GPC5: variants seen among roughly 807,000 people sequenced by gnomAD.
The protein encoded by GPC5 is glypican 5.
A neutral mutation model predicts 53.9 loss-of-function variants in GPC5; 47 were observed. The ratio of observed to expected loss-of-function variants is 0.87; its 90% CI spans 0.69 to 1.11. GPC5 has a LOEUF of 1.11. Among genes scored for constraint, GPC5 ranks in the 50% most tolerant of loss-of-function variants. GPC5 has a pLI of 0.00. For missense variants in GPC5, 748 were observed against 713.1 expected (o/e 1.05, Z -0.56); for synonymous variants, 286 against 263.3 (o/e 1.09, Z -0.84).
At chr13:92,101,179 G>A (rs959221687) in intron 6 of GPC5, among the ~76,000 whole-genome samples, 15 of 152,134 alleles carry the variant, frequency 9.9e-5, no homozygotes, top group African/African-American at 3.4e-4. Flanking sequence ...AATTTGAAAT[G>A]AAATATCTTA....
chr13:91,770,030 A>T, intron 5 of GPC5, among the ~76,000 whole-genome samples: 1 of 152,162 alleles, frequency 6.6e-6, no homozygotes, highest in Admixed American at 6.6e-5. Context: ...CTTCCATATG[A>T]CTTGGCTACA....
At chr13:91,932,380 G>T (rs2039830128) in intron 6 of GPC5, among the ~76,000 whole-genome samples, 1 of 152,012 alleles carries the variant, frequency 6.6e-6, no homozygotes, top group African/African-American at 2.4e-5. Flanking sequence ...TGCAGACAGT[G>T]CTTTGTTCTT....
chr13:92,535,211 T>A (rs1392070106), intron 7 of GPC5, among the ~76,000 whole-genome samples: 1 of 152,124 alleles, frequency 6.6e-6, no homozygotes, highest in African/African-American at 2.4e-5. Flanking sequence ...TGTTGTTTCT[T>A]CTCTGAGTCC....
At chr13:91,779,507 C>T (rs2037763093) in intron 5 of GPC5, among the ~76,000 whole-genome samples, 1 of 152,050 alleles carries the variant, frequency 6.6e-6, no homozygotes, top group Admixed American at 6.6e-5. Context: ...ATAATAGGCA[C>T]ATACCACCAC....
chr13:91,493,776 G>T (rs1566447523), intron 2 of GPC5, among the ~76,000 whole-genome samples: 1 of 151,958 alleles, frequency 6.6e-6, no homozygotes, highest in Non-Finnish European at 1.5e-5. Context: ...CTGATGACTT[G>T]TTCCTATTTT....
intron 7 of GPC5, among the ~76,000 whole-genome samples, chr13:92,572,893 C>A (rs1566299664): frequency 6.6e-6 from 1 of 152,068 alleles, no homozygotes; most frequent in Non-Finnish European, 1.5e-5. Flanking sequence ...ATGGTAATTG[C>A]CTATTATAAC....
At chr13:92,036,061 A>G (rs1216248260) in intron 6 of GPC5, among the ~76,000 whole-genome samples, 1 of 152,202 alleles carries the variant, frequency 6.6e-6, no homozygotes, top group African/African-American at 2.4e-5. Flanking sequence ...CATCAACCAT[A>G]TGTAAAATCC....
chr13:91,797,031 G>T (rs2038057692), intron 5 of GPC5, among the ~76,000 whole-genome samples: 1 of 151,778 alleles, frequency 6.6e-6, no homozygotes, highest in African/African-American at 2.4e-5. Context: ...ATTTAACAAT[G>T]ATCATAATTT....
intron 7 of GPC5, among the ~76,000 whole-genome samples, chr13:92,804,710 T>G (rs1301283826): frequency 6.6e-6 from 1 of 152,050 alleles, no homozygotes; most frequent in Admixed American, 6.6e-5. Context: ...CACTTCATTC[T>G]TCCTTTCACA....
At chr13:91,927,116 C>T (rs2039776895) in intron 6 of GPC5, among the ~76,000 whole-genome samples, 1 of 152,066 alleles carries the variant, frequency 6.6e-6, no homozygotes, top group African/African-American at 2.4e-5. Flanking sequence ...TTGATTTATT[C>T]TAATGAATTA....
Position 91,437,465 on chromosome 13 carries a change from T to G in GPC5, c.164-11296T>G, listed in dbSNP as rs191054269. On this transcript the variant is annotated intron_variant, in intron 1 of 7. Coordinates refer to ENST00000377067, the MANE Select transcript of GPC5 (RefSeq NM_004466.6). ...TTATGAAGCTTAGTTTGGTTGGATA[T>G]GAAATTCTGGGTTGAAAATTCTTTT... Among the ~76,000 whole-genome samples the G allele has an allele frequency of 3.1e-3, 479 of 152,370 alleles. 2 individuals carry two copies. Among genetic ancestry groups the G allele is most frequent in the Non-Finnish European group, 6.0e-3 (405 of 68,038 alleles).
At chr13:91,829,560 G>A (rs968773926) in intron 5 of GPC5, among the ~76,000 whole-genome samples, 5 of 152,046 alleles carry the variant, frequency 3.3e-5, no homozygotes, top group African/African-American at 1.2e-4. Flanking sequence ...GAGAAAGAAT[G>A]AGTAAATAGA....
Position 91,555,965 on chromosome 13 carries a change from G to A in GPC5, c.325+107043G>A, listed in dbSNP as rs191073193. On this transcript the variant is annotated intron_variant, in intron 2 of 7. Transcript: ENST00000377067. ...GGAGCTACAATTCAAGATGAGATTT[G>A]GGTGGGGACACAGCCAAACCATATC... is the stretch of plus-strand genomic sequence containing the variant. Among the ~76,000 whole-genome samples the A allele has an allele frequency of 6.6e-5, 10 of 152,066 alleles. No individual in the cohort carries two copies. The East Asian group carries it at 1.9e-3, about 30-fold the overall frequency.
At chr13:92,618,770 A>G (rs1473952955) in intron 7 of GPC5, among the ~76,000 whole-genome samples, 1 of 151,542 alleles carries the variant, frequency 6.6e-6, no homozygotes, top group Non-Finnish European at 1.5e-5. Context: ...AACATGACAT[A>G]GACATAGAGT....
chr13:91,607,184 C>T (rs934487720), intron 2 of GPC5, among the ~76,000 whole-genome samples: 3 of 72,514 alleles, frequency 4.1e-5, no homozygotes, highest in Admixed American at 1.9e-4. Flanking sequence ...TTTATCATAT[C>T]AATAATGATG....
chr13:91,824,167 G>C lies in GPC5; in HGVS notation c.1280+67747G>C, dbSNP rs1251430894. Among the ~76,000 whole-genome samples, 4 of 152,146 alleles carry C rather than the reference G, an allele frequency of 2.6e-5. No homozygotes were observed. The South Asian group carries it at 8.3e-4, about 32-fold the overall frequency. ...CTCAATGCATAAGACAGTATACTATGTGGTTATGTGCTATTTGAAAGGTTT... is the reference window on the plus strand; with the variant it reads ...CTCAATGCATAAGACAGTATACTATCTGGTTATGTGCTATTTGAAAGGTTT... On this transcript the variant is annotated intron_variant, in intron 5 of 7. Transcript: ENST00000377067.
At chr13:91,862,809 G>A (rs754757649) in intron 5 of GPC5, among the ~76,000 whole-genome samples, 45 of 152,008 alleles carry the variant, frequency 3.0e-4, no homozygotes, top group Admixed American at 7.2e-4. Context: ...ATAGCAAAAG[G>A]ATCAATTTCA....
intron 2 of GPC5, among the ~76,000 whole-genome samples, chr13:91,476,959 G>A (rs1882965865): frequency 6.6e-6 from 1 of 152,124 alleles, no homozygotes; most frequent in South Asian, 2.1e-4. Context: ...TCCAGAAAGC[G>A]ATGTTGGACC....
chr13:91,665,014 T>C (rs1566592352), intron 2 of GPC5, among the ~76,000 whole-genome samples: 1 of 152,240 alleles, frequency 6.6e-6, no homozygotes, highest in Non-Finnish European at 1.5e-5. Flanking sequence ...AAGGAAATTA[T>C]TCTCATTAGA....
Sources: gnomAD v4.1 joint callset for allele counts (sites outside exome capture counted in the v4.1 genomes callset) on GRCh38, gnomAD v4.1.1 for gene constraint, MANE v1.5 for transcripts, NCBI Gene and HGNC (gene_info 2026-07-23, HGNC 2026-07-21) for gene names.